The following NOTCH3 variants were observed in gnomAD, a reference collection of about 807,000 sequenced individuals.
NOTCH3 encodes the protein notch receptor 3, also known as neurogenic locus notch homolog protein 3.
Under a neutral mutation model 213.3 loss-of-function variants are expected in NOTCH3, and 86 were observed. The observed-to-expected ratio is 0.40, with a 90% CI of 0.34 to 0.48. The LOEUF is 0.48. Among genes scored for constraint, NOTCH3 ranks in the 20% least tolerant of loss-of-function variants. NOTCH3 has a pLI of 0.57. For missense variants in NOTCH3, 2,783 were observed against 3,272.6 expected, an observed-to-expected ratio of 0.85 and a Z score of 3.65; for synonymous variants, 1,354 against 1,355.9, an observed-to-expected ratio of 1.00 and a Z score of 0.03.
chr19:15,162,770 TGTTTGTGTGTGTGTGTGTGTGTGC>T (rs1183671183), intron 31 of NOTCH3, among the ~76,000 whole-genome samples: 3 of 4,992 alleles, frequency 6.0e-4, no homozygotes, highest in East Asian at 4.5e-3. Flanking sequence ...TGTGTGTGTG[TGTTTGTGTGTGTGTGTGTGTGTGC>T]GTGCATGTGC....
intron 24 of NOTCH3, among the ~76,000 whole-genome samples, chr19:15,176,226 T>A (rs1349824144): frequency 2.1e-5 from 3 of 145,082 alleles, no homozygotes; most frequent in Non-Finnish European, 4.5e-5. Flanking sequence ...TGGAGTGCAA[T>A]GGCACGATCT....
rs144708461 is a variant in NOTCH3, at chr19:15,174,189, G to A, written c.4615C>T (p.Leu1539=). Reference sequence around the variant, plus strand: ...AGGCGGAAGCGCAGCGAGGTGCGCAGGATGGCGCTGAGCCGCTGCAGAAAG... The same window carrying A: ...AGGCGGAAGCGCAGCGAGGTGCGCAAGATGGCGCTGAGCCGCTGCAGAAAG... ...ADFLQRLSAI[L]RTSLRFRLDA... The change falls in exon 25 of 33, where the codon CTG becomes TTG. Residue 1539 remains leucine, a synonymous_variant. Transcript: ENST00000263388. 21 of 1,608,428 alleles carry A rather than the reference G, an allele frequency of 1.3e-5. No individual in the cohort carries two copies. In the East Asian group the frequency reaches 2.2e-4, roughly 17 times the overall value.
At chr19:15,167,888 CT>C (rs71333354) in intron 28 of NOTCH3, among the ~76,000 whole-genome samples, 8,061 of 36,886 alleles carry the variant, frequency 0.22, 435 homozygotes, top group East Asian at 0.44. Context: ...CACAAGGTTT[CT>C]TTTTTTTTTT....
chr19:15,160,011 AG>A lies in NOTCH3; in HGVS notation c.*650del. On this transcript the variant is annotated 3_prime_UTR_variant, in exon 33 of 33. Coordinates refer to ENST00000263388, the MANE Select transcript of NOTCH3 (RefSeq NM_000435.3). ...ACATGTCCCATCTGGAATGCAGTGA[AG>A]TGAGGGAGGTGGGGTGGGGAGGAGG... The A allele has an allele frequency of 4.4e-6, 1 of 229,044 alleles. No homozygotes were observed. 14.2% of individuals were successfully genotyped at this position (229,044 alleles called of 1,614,324 possible).
rs746097439 is a variant in NOTCH3, at chr19:15,161,195, G to C, written c.6433C>G (p.Arg2145Gly). ...VSLAQLGGPG[R>G]AGLGRQPPGG... is the part of the protein sequence containing the mutation. Reference sequence around the variant, plus strand: ...GGGGGCTGGCGCCCTAGACCCGCCCGGCCTGGGCCACCAAGCTGTGCCAGA... The same window carrying C: ...GGGGGCTGGCGCCCTAGACCCGCCCCGCCTGGGCCACCAAGCTGTGCCAGA... The change falls in exon 33 of 33, where the codon CGG becomes GGG. Residue 2145 changes from arginine to glycine, a missense_variant. Arg to Gly is a moderately radical substitution (Grantham distance 125, BLOSUM62 -2). This residue lies in a region of NOTCH3 where 441 missense variants were observed against 432.1 expected (regional missense o/e 1.02). Coordinates refer to ENST00000263388, the MANE Select transcript of NOTCH3 (RefSeq NM_000435.3). The C allele has an allele frequency of 6.5e-7, 1 of 1,541,264 alleles. No individual in the cohort carries two copies. Among genetic ancestry groups the C allele is most frequent in the Non-Finnish European group, 8.7e-7 (1 of 1,149,372 alleles).
intron 9 of NOTCH3, 38 bp from the exon 10 acceptor site, chr19:15,188,032 G>T (rs778808888): frequency 9.4e-6 from 14 of 1,481,730 alleles, no homozygotes; most frequent in South Asian, 3.6e-5. Flanking sequence ...GCCCAGAAAG[G>T]GTGAGAGCAG....
At chr19:15,186,225 A>G (rs1242035278) in intron 12 of NOTCH3, among the ~76,000 whole-genome samples, 7 of 151,980 alleles carry the variant, frequency 4.6e-5, no homozygotes, top group Admixed American at 4.6e-4. Context: ...CAGCCTCCCA[A>G]AGTGCTGGGG....
At chr19:15,175,302 G>T (rs2046777582) in intron 24 of NOTCH3, among the ~76,000 whole-genome samples, 2 of 132,922 alleles carry the variant, frequency 1.5e-5, no homozygotes, top group Non-Finnish European at 3.1e-5. Flanking sequence ...GGAGGCCAAG[G>T]TGTACGGATA....
chr19:15,160,755 T>G lies in NOTCH3; in HGVS notation c.6873A>C (p.Pro2291=), dbSNP rs757223979. Residue 2291 remains proline, a synonymous_variant, in exon 33 of 33, where the codon CCA becomes CCC. Coordinates refer to ENST00000263388, the MANE Select transcript of NOTCH3 (RefSeq NM_000435.3). ...ATTTGALPAQ[P]LPLSVPSSLA... is the part of the protein sequence containing the mutation. ...GGGAGCTGGGAACAGACAAGGGAAG[T>G]GGCTGGGCAGGCAGTGCCCCAGTGG... 1 of 1,613,806 alleles carries G rather than the reference T, an allele frequency of 6.2e-7. No individual in the cohort carries two copies. Among genetic ancestry groups the G allele is most frequent in the East Asian group, 2.2e-5 (1 of 44,828 alleles).
At chr19:15,182,324 T>C (rs760964183) in intron 16 of NOTCH3, among the ~76,000 whole-genome samples, 1 of 151,954 alleles carries the variant, frequency 6.6e-6, no homozygotes, top group African/African-American at 2.4e-5. Context: ...CTGGGCAACA[T>C]GGCAAGACCC....
chr19:15,165,999 T>C lies in NOTCH3; in HGVS notation c.5455A>G (p.Ser1819Gly). 6.2e-7 allele frequency: 1 copy of C among 1,614,078 alleles called. No homozygotes were observed. Among genetic ancestry groups the C allele is most frequent in the Non-Finnish European group, 8.5e-7 (1 of 1,179,958 alleles). Reference protein sequence around the residue: ...EEDEADDTSASIISDLICQGA... With the variant: ...EEDEADDTSAGIISDLICQGA... ...TGGCAGATCAGGTCGGAGATGATGC[T>C]AGCTGATGTGTCATCTGCCTCATCC... Residue 1819 changes from serine to glycine, a missense_variant, in exon 30 of 33, where the codon AGC becomes GGC. By Grantham distance (56) the Ser-to-Gly change is moderately conservative. This residue lies in a region of NOTCH3 where 636 missense variants were observed against 801.8 expected (regional missense o/e 0.79). Coordinates refer to ENST00000263388, the MANE Select transcript of NOTCH3 (RefSeq NM_000435.3). The surrounding 1 kb of genome is among the most constrained non-coding windows in gnomAD (Gnocchi z 4.7).
At chr19:15,184,597 G>A in intron 15 of NOTCH3, 147 bp from the exon 16 acceptor site, 1 of 775,942 alleles carries the variant, frequency 1.3e-6, no homozygotes, top group South Asian at 1.7e-5. Flanking sequence ...TTTTGCATAT[G>A]CAGTTTCAGA....
intron 24 of NOTCH3, among the ~76,000 whole-genome samples, chr19:15,175,639 G>A (rs532060303): frequency 1.4e-5 from 2 of 145,574 alleles, no homozygotes; most frequent in Non-Finnish European, 3.0e-5. Flanking sequence ...AGTGCTGGAT[G>A]GAATTAAATG....
chr19:15,165,591 A>T lies in NOTCH3; in HGVS notation c.5668-76T>A. ...ATCAGGAGCACCCCTAAGTCCCATG[A>T]AGTCCCCAACCCCCATACCCCAACC... is the stretch of plus-strand genomic sequence containing the variant. On this transcript the variant is annotated intron_variant, in intron 30 of 32. Coordinates refer to ENST00000263388, the MANE Select transcript of NOTCH3 (RefSeq NM_000435.3). The surrounding 1 kb of genome is among the most constrained non-coding windows in gnomAD (Gnocchi z 4.7). 3.3e-6 allele frequency: 5 copies of T among 1,530,032 alleles called. No individual in the cohort carries two copies. The South Asian group carries it at 5.9e-5, about 18-fold the overall frequency. The allele number at this position is 1,530,032 out of a possible 1,614,324, so 94.8% of individuals were successfully genotyped here.
In NOTCH3 at chr19:15,179,079, A is replaced by C. The variant is rs199638166; in HGVS notation, c.3664T>G (p.Cys1222Gly). The C allele has an allele frequency of 1.7e-4, 279 of 1,614,112 alleles. No homozygotes were observed. The highest frequency in any genetic ancestry group is 2.2e-4 in the Non-Finnish European group (265 of 1,180,050). Reference protein sequence around the residue: ...GACHAAHTRDCLQDPGGGFRC... With the variant: ...GACHAAHTRDGLQDPGGGFRC... ...AAACCTCCGCCTGGGTCCTGCAGGC[A>C]GTCCCGGGTGTGTGCCGCGTGGCAG... Residue 1222 changes from cysteine to glycine, a missense_variant, in exon 22 of 33, where the codon TGC becomes GGC. Coordinates refer to ENST00000263388, the MANE Select transcript of NOTCH3 (RefSeq NM_000435.3).
chr19:15,175,089 A>G (rs1246801570), intron 24 of NOTCH3, among the ~76,000 whole-genome samples: 1 of 152,132 alleles, frequency 6.6e-6, no homozygotes, highest in East Asian at 1.9e-4. Flanking sequence ...ATACTAACTG[A>G]CTACCATGTG....
intron 28 of NOTCH3, among the ~76,000 whole-genome samples, chr19:15,168,855 ACAG>A (rs1289772968): frequency 6.6e-6 from 1 of 151,946 alleles, no homozygotes; most frequent in Non-Finnish European, 1.5e-5. Flanking sequence ...AAATAAATAA[ACAG>A]AAATCATACA....
At chr19:15,172,998 TCCC>T (rs1568351101) in intron 25 of NOTCH3, among the ~76,000 whole-genome samples, 1 of 68,890 alleles carries the variant, frequency 1.5e-5, no homozygotes, top group Admixed American at 1.5e-4. Flanking sequence ...CTCCTCCCCC[TCCC>T]CCTCTTCCTT....
rs369229497 is a variant in NOTCH3, at chr19:15,191,897, C to T, written c.680-30G>A. On this transcript the variant is annotated intron_variant, in intron 4 of 32. Coordinates refer to ENST00000263388, the MANE Select transcript of NOTCH3 (RefSeq NM_000435.3). ...CAGGGAAGGGGGCAAGGATGGTCACCGCCGGGCTGGCCTGCTGTCCCCACG... is the reference window on the plus strand; with the variant it reads ...CAGGGAAGGGGGCAAGGATGGTCACTGCCGGGCTGGCCTGCTGTCCCCACG... 185 of 1,613,714 alleles carry T rather than the reference C, an allele frequency of 1.1e-4. 1 individual carries two copies. The highest frequency in any genetic ancestry group is 1.4e-4 in the Non-Finnish European group (164 of 1,180,052).
Sources: allele counts gnomAD v4.1 joint callset (sites outside exome capture counted in the v4.1 genomes callset), GRCh38; gene constraint gnomAD v4.1.1; regional missense constraint gnomAD v4.1.1; non-coding constraint Gnocchi (gnomAD v3.1); transcripts MANE v1.5; gene names NCBI Gene and HGNC (gene_info 2026-07-23, HGNC 2026-07-21).